PCOLCE2: variants seen among roughly 807,000 people sequenced by gnomAD.
The protein encoded by PCOLCE2 is procollagen C-proteinase enhancer 2.
In PCOLCE2, 42 loss-of-function variants were observed where a neutral mutation model predicts 47.0. The observed-to-expected ratio is 0.89, with a 90% CI of 0.70 to 1.16. PCOLCE2 has a LOEUF of 1.16. Among genes scored for constraint, PCOLCE2 ranks in the 50% most tolerant of loss-of-function variants. The pLI is 0.00. For synonymous variants in PCOLCE2, 169 were observed against 191.7 expected (o/e 0.88, Z 0.98); for missense variants, 500 against 526.1 (o/e 0.95, Z 0.49).
chr3:142,823,899 A>G (rs55952834), intron 6 of PCOLCE2, among the ~76,000 whole-genome samples: 36,620 of 152,116 alleles, frequency 0.24, 4,467 homozygotes, highest in East Asian at 0.29. Context: ...AACAAACACT[A>G]TAAGAAAATA....
chr3:142,879,897 G>C (rs1933576911), intron 2 of PCOLCE2, among the ~76,000 whole-genome samples: 1 of 150,652 alleles, frequency 6.6e-6, no homozygotes, highest in African/African-American at 2.5e-5. Context: ...TGTGAACCCA[G>C]GAGGCAGAGC....
Position 142,838,850 on chromosome 3 carries a change from A to AT in PCOLCE2, c.629dup (p.Tyr210Ter), listed in dbSNP as rs1388679143. ...FDVERDNYCR[Y>*]DYVAVFNGGE... ...CGCCATTAAACACAGCCACATAATC[A>AT]TATCGGCAGTAGTTATCTCGCTCCA... The change falls in exon 5 of 9, where the codon TAT (tyrosine) becomes TAAT (stop). Residue 210 changes from tyrosine to a stop codon, truncating the protein, a stop_gained and frameshift_variant. Transcript: ENST00000295992. LOFTEE classifies it high-confidence loss of function. 6.2e-7 allele frequency: 1 copy of AT among 1,612,386 alleles called. No individual in the cohort carries two copies. The highest frequency in any genetic ancestry group is 2.2e-5 in the East Asian group (1 of 44,860).
At chr3:142,872,205 T>G (rs941410731) in intron 2 of PCOLCE2, among the ~76,000 whole-genome samples, 1 of 152,216 alleles carries the variant, frequency 6.6e-6, no homozygotes, top group Non-Finnish European at 1.5e-5. Context: ...CTAGAAGCAG[T>G]GACAGCCTGT....
At chr3:142,845,357 T>A (rs1461684563) in intron 3 of PCOLCE2, among the ~76,000 whole-genome samples, 1 of 152,246 alleles carries the variant, frequency 6.6e-6, no homozygotes, top group African/African-American at 2.4e-5. Context: ...ACATATTACA[T>A]CATACACTAT....
At chr3:142,849,826 G>A (rs1553815353) in intron 2 of PCOLCE2, among the ~76,000 whole-genome samples, 1 of 152,104 alleles carries the variant, frequency 6.6e-6, no homozygotes, top group Non-Finnish European at 1.5e-5. Context: ...TCAGACTCAA[G>A]GGTCAATAGA....
chr3:142,828,253 G>T (rs1469683008), intron 6 of PCOLCE2, among the ~76,000 whole-genome samples: 2 of 152,252 alleles, frequency 1.3e-5, no homozygotes, highest in Non-Finnish European at 2.9e-5. Context: ...AAACTAGAAA[G>T]AGAGGCTGGG....
At chr3:142,829,899 T>C (rs571239907) in intron 5 of PCOLCE2, 53 bp from the exon 6 acceptor site, 1 of 1,081,764 alleles carries the variant, frequency 9.2e-7, no homozygotes, top group East Asian at 2.5e-5. Context: ...GGTGCCTCTC[T>C]GAAAATGTAA....
At chr3:142,848,059 T>A (rs1181392332) in intron 3 of PCOLCE2, among the ~76,000 whole-genome samples, 158 bp downstream of exon 3, 1 of 152,240 alleles carries the variant, frequency 6.6e-6, no homozygotes, top group Non-Finnish European at 1.5e-5. Context: ...GGACTTAAAT[T>A]AAAAGGCTGA....
intron 2 of PCOLCE2, among the ~76,000 whole-genome samples, chr3:142,873,014 T>C (rs935581586): frequency 3.3e-5 from 5 of 152,360 alleles, no homozygotes; most frequent in Middle Eastern, 3.4e-3. Context: ...TATTCAATTC[T>C]ATAAATGTTA....
intron 2 of PCOLCE2, among the ~76,000 whole-genome samples, chr3:142,856,155 T>C (rs989325902): frequency 3.9e-5 from 6 of 152,188 alleles, no homozygotes; most frequent in African/African-American, 1.2e-4. Flanking sequence ...CCTAACTGTA[T>C]ACTGCTTGGA....
intron 5 of PCOLCE2, among the ~76,000 whole-genome samples, chr3:142,832,578 C>A (rs1937162610): frequency 6.6e-6 from 1 of 152,208 alleles, no homozygotes; most frequent in Non-Finnish European, 1.5e-5. Flanking sequence ...TCCCTGATCA[C>A]TTGTCCAGAC....
intron 2 of PCOLCE2, among the ~76,000 whole-genome samples, chr3:142,875,853 G>A (rs1454323284): frequency 2.0e-5 from 3 of 152,096 alleles, no homozygotes; most frequent in Non-Finnish European, 4.4e-5. Context: ...AAAAACCAAA[G>A]AAACCAAACA....
intron 2 of PCOLCE2, among the ~76,000 whole-genome samples, chr3:142,880,896 C>G (rs1337465072): frequency 2.6e-5 from 4 of 152,196 alleles, no homozygotes. Flanking sequence ...ACGGGTCATA[C>G]TCTTTGCACG....
intron 2 of PCOLCE2, among the ~76,000 whole-genome samples, chr3:142,873,622 T>C (rs571166966): frequency 6.6e-6 from 1 of 152,308 alleles, no homozygotes; most frequent in South Asian, 2.1e-4. Flanking sequence ...TAGCGGAATG[T>C]AAACAGAGAA....
At chr3:142,841,699 A>G (rs1376809278) in intron 4 of PCOLCE2, among the ~76,000 whole-genome samples, 1 of 152,202 alleles carries the variant, frequency 6.6e-6, no homozygotes, top group African/African-American at 2.4e-5. Flanking sequence ...TCAAATCACT[A>G]ACTTGCATGG....
At chr3:142,823,472 A>G in intron 7 of PCOLCE2, 60 bp downstream of exon 7, 1 of 974,882 alleles carries the variant, frequency 1.0e-6, no homozygotes, top group South Asian at 1.4e-5. Flanking sequence ...TTCCTTTGAG[A>G]TTAAGCATGC....
chr3:142,879,276 T>G (rs1205374162), intron 2 of PCOLCE2, among the ~76,000 whole-genome samples: 1 of 152,184 alleles, frequency 6.6e-6, no homozygotes. Context: ...CATGAAGACT[T>G]CATTTTCATG....
In PCOLCE2 at chr3:142,818,435, C is replaced by A; in HGVS notation, c.1148G>T (p.Gly383Val). ...CATGATTTTGCCTCGCCCATCTTCA[C>A]CTACTTGGCCCATAATAATGTAATT... Reference protein sequence around the residue: ...GLNYIIMGQVGEDGRGKIMPN... With the variant: ...GLNYIIMGQVVEDGRGKIMPN... The change falls in exon 9 of 9, where the codon GGT (glycine) becomes GTT (valine). Residue 383 changes from glycine to valine, a missense_variant. Transcript: ENST00000295992. 6.2e-7 allele frequency: 1 copy of A among 1,612,340 alleles called. No individual in the cohort carries two copies. The highest frequency in any genetic ancestry group is 8.5e-7 in the Non-Finnish European group (1 of 1,178,506).
chr3:142,836,926 C>T (rs976923069), intron 5 of PCOLCE2, among the ~76,000 whole-genome samples: 2 of 152,134 alleles, frequency 1.3e-5, no homozygotes, highest in African/African-American at 4.8e-5. Flanking sequence ...ATGTCCACAT[C>T]CTAATCCCTG....
Sources: gnomAD v4.1 joint callset for allele counts (sites outside exome capture counted in the v4.1 genomes callset) on GRCh38, gnomAD v4.1.1 for gene constraint, MANE v1.5 for transcripts, NCBI Gene and HGNC (gene_info 2026-07-23, HGNC 2026-07-21) for gene names.